Variants in PPM1E observed in about 807,000 individuals in gnomAD.
PPM1E encodes the protein protein phosphatase, Mg2+/Mn2+ dependent 1E.
Under a neutral mutation model 65.9 loss-of-function variants are expected in PPM1E, and 20 were observed. The ratio of observed to expected loss-of-function variants is 0.30; its 90% CI spans 0.21 to 0.44. The LOEUF is 0.44. Among genes scored for constraint, PPM1E ranks in the 20% least tolerant of loss-of-function variants. The probability of loss-of-function intolerance (pLI) is 1.00; values close to 1 mark genes in which losing one functional copy is unlikely to be tolerated. For missense variants in PPM1E, 713 were observed against 953.1 expected (o/e 0.75, Z 3.32); for synonymous variants, 352 against 374.9 (o/e 0.94, Z 0.70).
At chr17:58,785,635 A>G (rs576750439) in intron 1 of PPM1E, 9 of 151,506 alleles carry the variant, frequency 5.9e-5, no homozygotes, top group Non-Finnish European at 8.8e-5. Flanking sequence ...TATAAAAAAT[A>G]TAATAAAAAC....
intron 1 of PPM1E, among the ~76,000 whole-genome samples, chr17:58,805,525 C>T (rs1400123699): frequency 6.6e-6 from 1 of 152,184 alleles, no homozygotes; most frequent in Non-Finnish European, 1.5e-5. Context: ...GCTGGGATTA[C>T]AGGCGTGAGC....
In PPM1E at chr17:58,965,722, T is replaced by C. The variant is rs1162928889; in HGVS notation, c.612T>C (p.Ser204=). 1.2e-6 allele frequency: 2 copies of C among 1,614,066 alleles called. No individual in the cohort carries two copies. The highest frequency in any genetic ancestry group is 1.7e-6 in the Non-Finnish European group (2 of 1,180,028). Reference sequence around the variant, plus strand: ...TTGAGACAGTGAAATTGGCCCGTTCTGTCTTCAGCAAACTACACGAGATTT... The same window carrying C: ...TTGAGACAGTGAAATTGGCCCGTTCCGTCTTCAGCAAACTACACGAGATTT... ...VEIETVKLAR[S]VFSKLHEICC... is the part of the protein sequence containing the mutation. Residue 204 remains serine (S), a synonymous_variant, in exon 3 of 7, where the codon TCT becomes TCC. Transcript: ENST00000308249.
rs551956342 is a variant in PPM1E, at chr17:58,892,499, A to G, written c.465-63150A>G. Among the ~76,000 whole-genome samples the G allele has an allele frequency of 9.2e-5, 14 of 152,178 alleles. No homozygotes were observed. In the South Asian group the frequency reaches 2.7e-3, roughly 29 times the overall value. ...GAGGCAACAGGATTGCCTGAGCCCAATAATTGGAGGTTGCAGTAAGCCACG... is the reference window on the plus strand; with the variant it reads ...GAGGCAACAGGATTGCCTGAGCCCAGTAATTGGAGGTTGCAGTAAGCCACG... On this transcript the variant is annotated intron_variant, in intron 1 of 6. Transcript: ENST00000308249.
chr17:58,914,446 T>A (rs1398825192), intron 1 of PPM1E, among the ~76,000 whole-genome samples: 2 of 152,116 alleles, frequency 1.3e-5, no homozygotes, highest in African/African-American at 2.4e-5. Flanking sequence ...CTTAAGGAGC[T>A]CCAACTGGAT....
intron 1 of PPM1E, among the ~76,000 whole-genome samples, chr17:58,880,604 AAG>A (rs982319455): frequency 3.6e-5 from 5 of 138,002 alleles, no homozygotes; most frequent in South Asian, 2.4e-4. Context: ...TCTGTTGTGA[AAG>A]AGTTTGTTTG....
chr17:58,917,128 T>C (rs1435358477), intron 1 of PPM1E, among the ~76,000 whole-genome samples: 1 of 151,832 alleles, frequency 6.6e-6, no homozygotes, highest in Non-Finnish European at 1.5e-5. Context: ...GATAATCACT[T>C]GAACCTGGGA....
At chr17:58,809,662 C>CA (rs1380917950) in intron 1 of PPM1E, among the ~76,000 whole-genome samples, 1 of 152,200 alleles carries the variant, frequency 6.6e-6, no homozygotes, top group Non-Finnish European at 1.5e-5. Context: ...GGATTACAGG[C>CA]ATGAGCCACT....
chr17:58,797,480 T>C (rs2050217523), intron 1 of PPM1E, among the ~76,000 whole-genome samples: 1 of 152,244 alleles, frequency 6.6e-6, no homozygotes. Context: ...GTAGAGACAC[T>C]TTTGTGGAAA....
In PPM1E at chr17:58,943,564, C is replaced by T. The variant is rs151003136; in HGVS notation, c.465-12085C>T. 5.8e-3 allele frequency among the ~76,000 whole-genome samples: 882 copies of T among 152,262 alleles called. 5 individuals carry two copies. Among genetic ancestry groups the T allele is most frequent in the African/African-American group, 9.5e-3 (394 of 41,536 alleles). On this transcript the variant is annotated intron_variant, in intron 1 of 6. Coordinates refer to ENST00000308249, the MANE Select transcript of PPM1E (RefSeq NM_014906.5). ...TCATATCTGCTCTGACTTCATCCCTCCTCCTTCCTTTCTACCCTCATGACC... is the reference window on the plus strand; with the variant it reads ...TCATATCTGCTCTGACTTCATCCCTTCTCCTTCCTTTCTACCCTCATGACC...
intron 1 of PPM1E, among the ~76,000 whole-genome samples, chr17:58,940,092 G>T (rs1236721478): frequency 6.6e-6 from 1 of 152,124 alleles, no homozygotes; most frequent in Non-Finnish European, 1.5e-5. Flanking sequence ...TATTTGCTAT[G>T]CTTATTACAT....
At position 58,850,297 on chromosome 17, in the gene PPM1E, G is replaced by A. The variant is rs559836492; in HGVS notation, c.464+93836G>A. Among the ~76,000 whole-genome samples the A allele has an allele frequency of 1.6e-3, 249 of 152,256 alleles. 3 individuals carry two copies. The South Asian group carries it at 0.018, about 11-fold the overall frequency. On this transcript the variant is annotated intron_variant, in intron 1 of 6. Transcript: ENST00000308249. ...TTACATTTAAGGTTAATATTGTTAT[G>A]TGTGAATTTGATCCTGTCATTATGA...
intron 1 of PPM1E, among the ~76,000 whole-genome samples, chr17:58,921,064 T>C (rs2051743781): frequency 6.6e-6 from 1 of 152,132 alleles, no homozygotes; most frequent in African/African-American, 2.4e-5. Context: ...AAGATGAGAA[T>C]TGACAGTTGG....
chr17:58,888,752 A>G (rs1370547236), intron 1 of PPM1E, among the ~76,000 whole-genome samples: 1 of 152,112 alleles, frequency 6.6e-6, no homozygotes, highest in East Asian at 1.9e-4. Context: ...GGCATTGTCA[A>G]CCTCATCAGT....
At chr17:58,815,490 AG>A (rs2050406392) in intron 1 of PPM1E, among the ~76,000 whole-genome samples, 1 of 152,230 alleles carries the variant, frequency 6.6e-6, no homozygotes, top group African/African-American at 2.4e-5. Context: ...TTGAAAAGAA[AG>A]AGTATGCGTT....
intron 1 of PPM1E, among the ~76,000 whole-genome samples, chr17:58,882,180 AAAAAG>A (rs1193067931): frequency 1.3e-5 from 2 of 152,008 alleles, no homozygotes; most frequent in African/African-American, 2.4e-5. Context: ...TCAAAGCAAA[AAAAAG>A]AAAAGAAAGA....
intron 1 of PPM1E, among the ~76,000 whole-genome samples, chr17:58,944,257 T>A (rs1246982005): frequency 6.6e-6 from 1 of 152,198 alleles, no homozygotes; most frequent in African/African-American, 2.4e-5. Flanking sequence ...GAGATATAAT[T>A]CGCATAATAT....
At chr17:58,936,561 G>A (rs2143586453) in intron 1 of PPM1E, among the ~76,000 whole-genome samples, 1 of 152,306 alleles carries the variant, frequency 6.6e-6, no homozygotes, top group South Asian at 2.1e-4. Flanking sequence ...CCAATGTCAG[G>A]AAGGATGTAC....
chr17:58,982,964 A>T lies in PPM1E; in HGVS notation c.*1933A>T. On this transcript the variant is annotated 3_prime_UTR_variant, in exon 7 of 7. Transcript: ENST00000308249. Reference sequence around the variant, plus strand: ...CAAAGGCAGCAGACTATTGGTACACATTATAGTCCAAAGTGCTTAGCGAAG... The same window carrying T: ...CAAAGGCAGCAGACTATTGGTACACTTTATAGTCCAAAGTGCTTAGCGAAG... The T allele has an allele frequency of 6.5e-7, 1 of 1,539,516 alleles. No individual in the cohort carries two copies. Among genetic ancestry groups the T allele is most frequent in the Non-Finnish European group, 8.8e-7 (1 of 1,132,148 alleles).
chr17:58,862,143 T>C (rs534185378), intron 1 of PPM1E, among the ~76,000 whole-genome samples: 27 of 152,252 alleles, frequency 1.8e-4, no homozygotes, highest in African/African-American at 6.5e-4. Flanking sequence ...CTGGAGACAG[T>C]TTCATAGGTC....
Sources: gnomAD v4.1 joint callset for allele counts (sites outside exome capture counted in the v4.1 genomes callset) on GRCh38, gnomAD v4.1.1 for gene constraint, MANE v1.5 for transcripts, NCBI Gene and HGNC (gene_info 2026-07-23, HGNC 2026-07-21) for gene names.